The following LDAF1 variants were observed in gnomAD, a reference collection of about 807,000 sequenced individuals.
The protein encoded by LDAF1 is lipid droplet assembly factor 1.
LDAF1 carries 7 observed loss-of-function variants against 13.5 expected under a neutral mutation model. That is an observed-to-expected ratio of 0.52 (90% CI 0.29 to 0.97). LDAF1 has a LOEUF of 0.97. LDAF1 is among the 50% of genes least tolerant of loss of function. The pLI, the probability that LDAF1 is intolerant of heterozygous loss-of-function variation, is 0.07. For synonymous variants in LDAF1, 69 were observed against 77.1 expected, an observed-to-expected ratio of 0.89 and a Z score of 0.55; for missense variants, 148 against 193.2, an observed-to-expected ratio of 0.77 and a Z score of 1.39.
intron 3 of LDAF1, chr16:21,172,905 A>G (rs1487672317): frequency 3.4e-6 from 3 of 872,676 alleles, no homozygotes; most frequent in Non-Finnish European, 4.1e-6. Context: ...TGGGAGGAGC[A>G]CTGGGCTAAC....
chr16:21,161,430 T>C, intron 2 of LDAF1, 152 bp downstream of exon 2: 1 of 900,302 alleles, frequency 1.1e-6, no homozygotes, highest in Non-Finnish European at 1.6e-6. Context: ...TGCTGTGACC[T>C]TCAAACTCCT....
rs377600808 is a variant in LDAF1 at position 21,159,906 on chromosome 16, G to A, written c.-99+1160G>A. 154 of 985,330 alleles carry A rather than the reference G, an allele frequency of 1.6e-4. 2 individuals carry two copies. In the East Asian group the frequency reaches 5.3e-3, roughly 34 times the overall value. 61.0% of individuals were successfully genotyped at this position (985,330 alleles called of 1,614,324 possible). A position where few individuals can be genotyped will look rare whatever the true frequency, so the allele number is the denominator to read the frequency against. ...GAACTGAGTGCTGGGAACATCCCAA[G>A]TTCAAGACCTACGCCAGAGGCAGCT... On this transcript the variant is annotated intron_variant, in intron 1 of 4. Coordinates refer to ENST00000233047, the MANE Select transcript of LDAF1 (RefSeq NM_001301771.2).
chr16:21,158,858 G>A (rs1235442849), intron 1 of LDAF1, 112 bp downstream of exon 1: 2 of 163,376 alleles, frequency 1.2e-5, no homozygotes, highest in Non-Finnish European at 2.7e-5. Context: ...GCGCGCTATC[G>A]GGGTCCCACG....
At chr16:21,165,489 C>A in intron 2 of LDAF1, 1 of 610,176 alleles carries the variant, frequency 1.6e-6, no homozygotes, top group Non-Finnish European at 2.0e-6. Flanking sequence ...CTTTTATATC[C>A]CTGTGCCATA....
Position 21,179,823 on chromosome 16 carries a change from C to T in LDAF1, c.*267C>T, listed in dbSNP as rs2093167792. On this transcript the variant is annotated 3_prime_UTR_variant, in exon 5 of 5. Coordinates refer to ENST00000233047, the MANE Select transcript of LDAF1 (RefSeq NM_001301771.2). The stretch of plus-strand genomic sequence containing the variant: ...TATGCAGACTTGACCTTGGCGGGGT[C>T]CTGGGCTTCTAGAGTCTAGCCCGTT... 5.3e-6 allele frequency: 2 copies of T among 379,720 alleles called. No individual in the cohort carries two copies. The highest frequency in any genetic ancestry group is 8.4e-5 in the Admixed American group (2 of 23,930). The allele number at this position is 379,720 out of a possible 1,614,324, so 23.5% of individuals were successfully genotyped here.
At chr16:21,171,760 T>C (rs1323370865) in intron 3 of LDAF1, among the ~76,000 whole-genome samples, 1 of 151,452 alleles carries the variant, frequency 6.6e-6, no homozygotes, top group East Asian at 1.9e-4. Context: ...TTTTTCTAGA[T>C]GGAATCTTAC....
chr16:21,172,450 AAAAAG>A (rs773910025), intron 3 of LDAF1, among the ~76,000 whole-genome samples: 22 of 152,110 alleles, frequency 1.4e-4, no homozygotes, highest in African/African-American at 3.9e-4. Context: ...CTGTCTCAAA[AAAAAG>A]AAAAGAAAAG....
intron 1 of LDAF1, chr16:21,159,568 G>A: frequency 1.1e-6 from 1 of 918,922 alleles, no homozygotes; most frequent in East Asian, 2.5e-5. Context: ...AGGGTTAGCT[G>A]GTGTTGGCCT....
intron 2 of LDAF1, among the ~76,000 whole-genome samples, chr16:21,169,728 C>T (rs911305266): frequency 1.3e-5 from 2 of 152,196 alleles, no homozygotes; most frequent in Non-Finnish European, 2.9e-5. Flanking sequence ...ATGTACCTTA[C>T]ATCAATGCAC....
intron 2 of LDAF1, among the ~76,000 whole-genome samples, chr16:21,162,597 T>G (rs1400931060): frequency 6.6e-6 from 1 of 152,226 alleles, no homozygotes; most frequent in Non-Finnish European, 1.5e-5. Context: ...TGGTGTATTT[T>G]TTTTTGTATT....
chr16:21,165,890 C>T (rs925525246), intron 2 of LDAF1, among the ~76,000 whole-genome samples: 2 of 152,126 alleles, frequency 1.3e-5, no homozygotes, highest in African/African-American at 2.4e-5. Flanking sequence ...GATGGAGTCT[C>T]GCTCTGTCGC....
chr16:21,159,472 A>G, intron 1 of LDAF1: 4 of 1,602,980 alleles, frequency 2.5e-6, no homozygotes, highest in Non-Finnish European at 3.4e-6. Context: ...CCCTCCTCCC[A>G]GCTTGAACTT....
chr16:21,168,955 A>G (rs2093058012), intron 2 of LDAF1, among the ~76,000 whole-genome samples: 1 of 116,508 alleles, frequency 8.6e-6, no homozygotes, highest in African/African-American at 3.4e-5. Context: ...TATAGTATAT[A>G]TAATATAATA....
At chr16:21,168,166 C>T (rs2152845130) in intron 2 of LDAF1, among the ~76,000 whole-genome samples, 1 of 152,142 alleles carries the variant, frequency 6.6e-6, no homozygotes, top group South Asian at 2.1e-4. Context: ...CAGCACGCGC[C>T]ACCATGCCTG....
At chr16:21,173,921 G>C (rs935057873) in intron 3 of LDAF1, 89 bp from the exon 4 acceptor site, 21 of 1,276,688 alleles carry the variant, frequency 1.6e-5, no homozygotes, top group Non-Finnish European at 2.1e-5. Context: ...CTGAGTTAGC[G>C]GTTGTTATTT....
chr16:21,165,570 C>G, intron 2 of LDAF1: 16 of 983,774 alleles, frequency 1.6e-5, no homozygotes, highest in Middle Eastern at 5.2e-4. Context: ...TCCCCCTTCT[C>G]TTCCCTCTCT....
intron 4 of LDAF1, among the ~76,000 whole-genome samples, chr16:21,176,575 C>T (rs2093140419): frequency 6.6e-6 from 1 of 151,958 alleles, no homozygotes; most frequent in African/African-American, 2.4e-5. Flanking sequence ...CCCAGGAGTT[C>T]AAGGCTGCAG....
intron 2 of LDAF1, among the ~76,000 whole-genome samples, chr16:21,161,484 T>G (rs141753916): frequency 6.6e-6 from 1 of 152,220 alleles, no homozygotes; most frequent in African/African-American, 2.4e-5. Flanking sequence ...TATCCATCTT[T>G]CAGGCAACAG....
rs376152961 is a variant in LDAF1 at position 21,166,362 on chromosome 16, C to T, written c.97-4075C>T. Among the ~76,000 whole-genome samples, 29 of 152,064 alleles carry T rather than the reference C, an allele frequency of 1.9e-4. No homozygotes were observed. In the East Asian group the frequency reaches 4.4e-3, roughly 23 times the overall value. On this transcript the variant is annotated intron_variant, in intron 2 of 4. Coordinates refer to ENST00000233047, the MANE Select transcript of LDAF1 (RefSeq NM_001301771.2). ...AGATTTTATAAAACTTACAATTCAGCGAAATAGATTCACATACCCAACCTA... is the reference window on the plus strand; with the variant it reads ...AGATTTTATAAAACTTACAATTCAGTGAAATAGATTCACATACCCAACCTA...
Sources: gnomAD v4.1 joint callset for allele counts (sites outside exome capture counted in the v4.1 genomes callset) on GRCh38, gnomAD v4.1.1 for gene constraint, MANE v1.5 for transcripts, NCBI Gene and HGNC (gene_info 2026-07-23, HGNC 2026-07-21) for gene names.